Variants in ZNF880 observed in about 807,000 individuals in gnomAD.
The protein encoded by ZNF880 is zinc finger protein 880, also known as zinc finger protein LOC400713.
In ZNF880, 12 loss-of-function variants were observed where a neutral mutation model predicts 11.8. The observed-to-expected ratio is 1.02, with a 90% CI of 0.65 to 1.65. The LOEUF (loss-of-function observed/expected upper bound fraction) is 1.65, where lower values mean the gene tolerates loss of function less well. Among genes scored for constraint, ZNF880 ranks in the 40% most tolerant of loss-of-function variants. The probability of loss-of-function intolerance (pLI) is 0.00; values close to 1 mark genes in which losing one functional copy is unlikely to be tolerated. For synonymous variants in ZNF880, 210 were observed against 232.4 expected (o/e 0.90, Z 0.88); for missense variants, 601 against 673.9 (o/e 0.89, Z 1.20).
In ZNF880 at chr19:52,383,960, A is replaced by G. The variant is rs752195181; in HGVS notation, c.380A>G (p.Asn127Ser). ...CTGCAGCTATTTCAAGCTGAAAGGA[A>G]TATTTCTGGATGTAAACATGTCGAA... ...SELQLFQAER[N>S]ISGCKHVEKP... Residue 127 changes from asparagine to serine, a missense_variant, in exon 4 of 4, where the codon AAT becomes AGT. Around this residue, in one of 3 missense-constraint regions of ZNF880, gnomAD observed 420 missense variants for 442.6 expected, o/e 0.95. Coordinates refer to ENST00000422689, the MANE Select transcript of ZNF880 (RefSeq NM_001145434.2). The G allele has an allele frequency of 7.1e-6, 11 of 1,554,420 alleles. No homozygotes were observed. In the East Asian group the frequency reaches 1.7e-4, roughly 24 times the overall value.
chr19:52,370,295 C>A, intron 1 of ZNF880: 1 of 389,636 alleles, frequency 2.6e-6, no homozygotes, highest in Non-Finnish European at 4.7e-6. Flanking sequence ...GATGGATCCA[C>A]GTCTTTCCGG....
At chr19:52,370,040 G>T in intron 1 of ZNF880, 63 bp downstream of exon 1, 5 of 1,544,254 alleles carry the variant, frequency 3.2e-6, no homozygotes, top group Non-Finnish European at 3.5e-6. Flanking sequence ...TCTGTACCCG[G>T]CATCTCAGGG....
chr19:52,395,645 T>TGCA, the ZNF880 span: 1 of 152,318 alleles, frequency 6.6e-6, no homozygotes, highest in African/African-American at 2.4e-5. Flanking sequence ...AACCACCCAG[T>TGCA]GCAGATGCAG....
At chr19:52,372,902 T>C (rs1467073701) in intron 1 of ZNF880, among the ~76,000 whole-genome samples, 1 of 109,662 alleles carries the variant, frequency 9.1e-6, no homozygotes, top group Non-Finnish European at 1.7e-5. Flanking sequence ...AGAGCGAGAC[T>C]CCGTCTCAAA....
intron 3 of ZNF880, among the ~76,000 whole-genome samples, chr19:52,376,362 GGAGTAA>G (rs1300748898): frequency 2.0e-5 from 3 of 152,076 alleles, no homozygotes; most frequent in African/African-American, 7.2e-5. Context: ...CATTCTTGCA[GGAGTAA>G]GAGGGTATTA....
chr19:52,374,181 A>G (rs1025747179), intron 2 of ZNF880, 118 bp from the exon 3 acceptor site: 4 of 837,150 alleles, frequency 4.8e-6, no homozygotes, highest in African/African-American at 3.5e-5. Context: ...AGTATCTGGG[A>G]CTACAGGCAC....
At chr19:52,393,982 A>T in the ZNF880 span, among the ~76,000 whole-genome samples, 13 of 151,456 alleles carry the variant, frequency 8.6e-5, no homozygotes, top group East Asian at 2.2e-3. Context: ...GACTACAGGC[A>T]CCCGCCACCA....
chr19:52,376,637 G>T (rs529565189), intron 3 of ZNF880, among the ~76,000 whole-genome samples: 1 of 151,180 alleles, frequency 6.6e-6, no homozygotes, highest in South Asian at 2.1e-4. Context: ...AGCCTCCTGA[G>T]TAGCTGGGAT....
At chr19:52,380,550 A>G (rs2122390739) in intron 3 of ZNF880, among the ~76,000 whole-genome samples, 1 of 152,280 alleles carries the variant, frequency 6.6e-6, no homozygotes, top group South Asian at 2.1e-4. Context: ...TATTTTAGAT[A>G]TTAACATCTT....
At chr19:52,396,121 ATTTTTTTTT>A in the ZNF880 span, among the ~76,000 whole-genome samples, 1 of 120,646 alleles carries the variant, frequency 8.3e-6, no homozygotes, top group Admixed American at 8.9e-5. Context: ...TGCCTGGCTA[ATTTTTTTTT>A]TTTTTTTTTT....
chr19:52,367,608 CA>C (rs34564684), upstream of ZNF880: 124,548 of 152,088 alleles, frequency 0.82, 51,263 homozygotes, highest in African/African-American at 0.88. Context: ...CTTCTGGGTG[CA>C]ATATACTTAA....
chr19:52,373,010 A>C, intron 1 of ZNF880, 101 bp from the exon 2 acceptor site: 1 of 1,207,490 alleles, frequency 8.3e-7, no homozygotes, highest in African/African-American at 1.5e-5. Flanking sequence ...AAATACCTTA[A>C]CGTGGATTTG....
chr19:52,386,281 CTTA>C (rs1036544804), downstream of ZNF880, among the ~76,000 whole-genome samples: 2 of 142,854 alleles, frequency 1.4e-5, no homozygotes, highest in Non-Finnish European at 3.0e-5. Flanking sequence ...ACTGCGTTTT[CTTA>C]TTATTGTCTG....
downstream of ZNF880, among the ~76,000 whole-genome samples, chr19:52,386,695 G>A (rs1245296429): frequency 2.9e-5 from 4 of 139,970 alleles, no homozygotes; most frequent in African/African-American, 1.1e-4. Context: ...CCAGCTACTC[G>A]GGAGGCTGAG....
intron 1 of ZNF880, among the ~76,000 whole-genome samples, chr19:52,372,677 G>A (rs1450104263): frequency 2.7e-5 from 4 of 150,384 alleles, no homozygotes; most frequent in East Asian, 2.0e-4. Flanking sequence ...CGAGGTGGGC[G>A]GATCACGAAG....
At chr19:52,371,223 A>G (rs553342726) in intron 1 of ZNF880, among the ~76,000 whole-genome samples, 2 of 152,314 alleles carry the variant, frequency 1.3e-5, no homozygotes, top group East Asian at 3.9e-4. Flanking sequence ...CTGTAAGGAT[A>G]GTAACCTGTT....
chr19:52,369,819 C>T (rs1001837089), upstream of ZNF880: 2 of 977,844 alleles, frequency 2.0e-6, no homozygotes, highest in Admixed American at 2.1e-5. Context: ...CACGGCAGGT[C>T]TAGCCTCCAA....
At chr19:52,386,632 T>A (rs1986893533), downstream of ZNF880, among the ~76,000 whole-genome samples, 1 of 142,300 alleles carries the variant, frequency 7.0e-6, no homozygotes, top group Admixed American at 6.9e-5. Flanking sequence ...CCAAACCCCA[T>A]CTCTACTAAA....
Position 52,384,328 on chromosome 19 carries a change from A to G in ZNF880, c.748A>G (p.Asn250Asp). 2 of 1,613,704 alleles carry G rather than the reference A, an allele frequency of 1.2e-6. No homozygotes were observed. The highest frequency in any genetic ancestry group is 1.7e-6 in the Non-Finnish European group (2 of 1,179,688). The change falls in exon 4 of 4, where the codon AAT (asparagine) becomes GAT (aspartate). Residue 250 changes from asparagine (N) to aspartate (D), a missense_variant. Around this residue, in one of 3 missense-constraint regions of ZNF880, gnomAD observed 420 missense variants for 442.6 expected, o/e 0.95. Coordinates refer to ENST00000422689, the MANE Select transcript of ZNF880 (RefSeq NM_001145434.2). ...YKCHECGKLF[N>D]RISLLARHQR... Reference sequence around the variant, plus strand: ...GTGTCATGAATGTGGCAAGCTCTTCAATCGAATTTCACTCCTTGCACGACA... The same window carrying G: ...GTGTCATGAATGTGGCAAGCTCTTCGATCGAATTTCACTCCTTGCACGACA...
Sources: allele counts gnomAD v4.1 joint callset (sites outside exome capture counted in the v4.1 genomes callset), GRCh38; gene constraint gnomAD v4.1.1; regional missense constraint gnomAD v4.1.1; transcripts MANE v1.5; gene names NCBI Gene and HGNC (gene_info 2026-07-23, HGNC 2026-07-21).